The following NEK11 variants were observed in gnomAD, a reference collection of about 807,000 sequenced individuals.
The protein encoded by NEK11 is serine/threonine-protein kinase Nek11.
NEK11 carries 72 observed loss-of-function variants against 80.7 expected under a neutral mutation model. That is an observed-to-expected ratio of 0.89 (90% CI 0.74 to 1.08). The LOEUF (loss-of-function observed/expected upper bound fraction) is 1.08, where lower values mean the gene tolerates loss of function less well. Ranked by LOEUF, NEK11 falls within the 50% of genes least tolerant of loss-of-function variation. NEK11 has a pLI of 0.00. For missense variants in NEK11, 764 were observed against 763.6 expected, an observed-to-expected ratio of 1.00 and a Z score of -0.01; for synonymous variants, 251 against 260.7, an observed-to-expected ratio of 0.96 and a Z score of 0.36.
intron 17 of NEK11, among the ~76,000 whole-genome samples, chr3:131,333,126 G>C (rs368713065): frequency 6.6e-6 from 1 of 152,132 alleles, no homozygotes; most frequent in African/African-American, 2.4e-5. Flanking sequence ...ACACCACAAA[G>C]ATACTCCTCA....
intron 14 of NEK11, among the ~76,000 whole-genome samples, chr3:131,184,202 A>G (rs1385759747): frequency 6.6e-6 from 1 of 152,230 alleles, no homozygotes; most frequent in African/African-American, 2.4e-5. Context: ...CTCACAGTAT[A>G]GGAATGTATC....
chr3:131,186,864 A>T (rs1376043201), intron 14 of NEK11, among the ~76,000 whole-genome samples: 1 of 152,192 alleles, frequency 6.6e-6, no homozygotes, highest in Non-Finnish European at 1.5e-5. Context: ...CTTTGGGTTT[A>T]TAATAAAATC....
At chr3:131,240,310 G>A (rs548171282) in intron 15 of NEK11, among the ~76,000 whole-genome samples, 183 of 152,102 alleles carry the variant, frequency 1.2e-3, no homozygotes, top group Non-Finnish European at 1.7e-3. Context: ...TTTCCTAATA[G>A]GTGTGGCAAA....
intron 7 of NEK11, among the ~76,000 whole-genome samples, chr3:131,139,606 T>G (rs969969615): frequency 6.6e-6 from 1 of 152,196 alleles, no homozygotes; most frequent in African/African-American, 2.4e-5. Context: ...ATACTCCTGT[T>G]TTGTTAATTC....
intron 14 of NEK11, chr3:131,174,639 A>T: frequency 1.0e-6 from 1 of 994,514 alleles, no homozygotes; most frequent in Non-Finnish European, 1.5e-6. Context: ...ATGAGAAAGT[A>T]CAACTGGAAT....
chr3:131,115,533 T>C (rs1177864444), intron 5 of NEK11, among the ~76,000 whole-genome samples: 2 of 152,240 alleles, frequency 1.3e-5, no homozygotes, highest in African/African-American at 2.4e-5. Flanking sequence ...ATTTGGTTTA[T>C]TTATACATTA....
chr3:131,171,675 G>A (rs1040994382), intron 14 of NEK11, among the ~76,000 whole-genome samples: 1 of 152,192 alleles, frequency 6.6e-6, no homozygotes, highest in African/African-American at 2.4e-5. Context: ...CGTGGCATGT[G>A]GAGTGGTCTT....
intron 7 of NEK11, among the ~76,000 whole-genome samples, chr3:131,139,357 A>G (rs1024822223): frequency 2.6e-5 from 4 of 151,416 alleles, no homozygotes; most frequent in Admixed American, 1.3e-4. Flanking sequence ...AAAAAAGAAA[A>G]AAAAAAAAAA....
At chr3:131,135,814 G>A (rs1439678945) in intron 7 of NEK11, among the ~76,000 whole-genome samples, 3 of 151,858 alleles carry the variant, frequency 2.0e-5, no homozygotes, top group Non-Finnish European at 4.4e-5. Flanking sequence ...TTAAGTTTTT[G>A]GAATTATATG....
chr3:131,243,575 G>T (rs2095551066), intron 16 of NEK11, 79 bp downstream of exon 16: 1 of 1,251,148 alleles, frequency 8.0e-7, no homozygotes, highest in Middle Eastern at 1.9e-4. Context: ...AATCTTACAG[G>T]TGTTTAAGTC....
At position 131,113,682 on chromosome 3, in the gene NEK11, G is replaced by A. The variant is rs529574917; in HGVS notation, c.455+3761G>A. 1.6e-4 allele frequency among the ~76,000 whole-genome samples: 24 copies of A among 152,220 alleles called. 1 individual carries two copies. Among genetic ancestry groups the A allele is most frequent in the Non-Finnish European group, 3.1e-4 (21 of 68,008 alleles). On this transcript the variant is annotated intron_variant, in intron 5 of 17. Transcript: ENST00000383366. ...AATCCCAGCACTTTGGGAGGCCAAG[G>A]CGGGTGGATCACAAGGTTAGGAGTT...
Position 131,200,502 on chromosome 3 carries a change from GC to G in NEK11, c.1400-28025del, listed in dbSNP as rs560625108. On this transcript the variant is annotated intron_variant, in intron 14 of 17. Coordinates refer to ENST00000383366, the MANE Select transcript of NEK11 (RefSeq NM_024800.5). ...GGGTGTATTCCTTAGAAACATGTAT[GC>G]TTATGTGTGAAACCAGCCCAACAGT... 3.9e-3 allele frequency among the ~76,000 whole-genome samples: 587 copies of G among 152,286 alleles called. 5 individuals are homozygous for G. The highest frequency in any genetic ancestry group is 7.2e-3 in the Admixed American group (110 of 15,298).
intron 3 of NEK11, among the ~76,000 whole-genome samples, chr3:131,076,611 A>T (rs1251070508): frequency 6.6e-6 from 1 of 152,164 alleles, no homozygotes; most frequent in African/African-American, 2.4e-5. Context: ...CCAAAAAGTT[A>T]CTCGTTTGTC....
intron 17 of NEK11, among the ~76,000 whole-genome samples, chr3:131,303,893 C>A (rs1474879120): frequency 6.6e-6 from 1 of 152,134 alleles, no homozygotes; most frequent in Non-Finnish European, 1.5e-5. Flanking sequence ...TGAATATTGG[C>A]CTCTCTAGCA....
chr3:131,181,627 TC>T (rs2093351845), intron 14 of NEK11, among the ~76,000 whole-genome samples: 1 of 150,752 alleles, frequency 6.6e-6, no homozygotes, highest in Admixed American at 6.7e-5. Flanking sequence ...GCGCCTGTAG[TC>T]CCAGCTACTT....
intron 17 of NEK11, among the ~76,000 whole-genome samples, chr3:131,293,669 T>A (rs1405887578): frequency 1.3e-5 from 2 of 152,110 alleles, no homozygotes; most frequent in Non-Finnish European, 2.9e-5. Flanking sequence ...TGTAGGGAAT[T>A]GTTATAATTT....
chr3:131,027,366 C>T (rs576164940), intron 1 of NEK11: 3 of 152,124 alleles, frequency 2.0e-5, no homozygotes, highest in Non-Finnish European at 4.4e-5. Context: ...GATAAATACT[C>T]CTTCCGTTGT....
At chr3:131,178,335 G>A (rs947952557) in intron 14 of NEK11, among the ~76,000 whole-genome samples, 2 of 152,110 alleles carry the variant, frequency 1.3e-5, no homozygotes, top group African/African-American at 4.8e-5. Flanking sequence ...TCAGCTTACT[G>A]TAACTTTTTT....
chr3:131,209,830 A>G (rs900215359), intron 14 of NEK11, among the ~76,000 whole-genome samples: 4 of 152,014 alleles, frequency 2.6e-5, no homozygotes, highest in Admixed American at 2.0e-4. Context: ...TGGTGGTGAT[A>G]TCCCCTTTAT....
Sources: allele counts gnomAD v4.1 joint callset (sites outside exome capture counted in the v4.1 genomes callset), GRCh38; gene constraint gnomAD v4.1.1; transcripts MANE v1.5; gene names NCBI Gene and HGNC (gene_info 2026-07-23, HGNC 2026-07-21).